Variants in USP25 observed in about 807,000 individuals in gnomAD.
The protein encoded by USP25 is ubiquitin carboxyl-terminal hydrolase 25.
In USP25, 85 loss-of-function variants were observed where a neutral mutation model predicts 158.5. That is an observed-to-expected ratio of 0.54 (90% confidence interval 0.45 to 0.64). The LOEUF (loss-of-function observed/expected upper bound fraction) is 0.64, where lower values mean the gene tolerates loss of function less well. Ranked by LOEUF, USP25 falls within the 30% of genes least tolerant of loss-of-function variation. The pLI is 0.00. For synonymous variants in USP25, 464 were observed against 460.4 expected (o/e 1.01, Z -0.10); for missense variants, 1,242 against 1,327.3 (o/e 0.94, Z 1.00).
chr21:15,787,580 C>G (rs540546709), intron 4 of USP25, among the ~76,000 whole-genome samples: 6 of 152,004 alleles, frequency 3.9e-5, no homozygotes, highest in Admixed American at 3.9e-4. Context: ...TTGAAACATT[C>G]GCTGTTTCAT....
chr21:15,749,570 T>G (rs1244723766), intron 1 of USP25, among the ~76,000 whole-genome samples: 3 of 152,236 alleles, frequency 2.0e-5, no homozygotes, highest in Non-Finnish European at 1.5e-5. Context: ...ATCATGACCG[T>G]TCATTTATGT....
chr21:15,837,803 C>G (rs2038128470), intron 17 of USP25, among the ~76,000 whole-genome samples: 2 of 152,130 alleles, frequency 1.3e-5, no homozygotes, highest in African/African-American at 2.4e-5. Context: ...GGCTCTGGAA[C>G]TTCTCTACAC....
intron 9 of USP25, among the ~76,000 whole-genome samples, chr21:15,813,930 C>T (rs1376811543): frequency 5.9e-5 from 9 of 151,550 alleles, no homozygotes; most frequent in African/African-American, 1.7e-4. Context: ...TGTCCCAAAC[C>T]GAATCTCAAC....
At chr21:15,851,936 T>C (rs2038907400) in intron 20 of USP25, among the ~76,000 whole-genome samples, 1 of 152,128 alleles carries the variant, frequency 6.6e-6, no homozygotes, top group South Asian at 2.1e-4. Context: ...TATTTTTCTT[T>C]ATTGGTTTGC....
At chr21:15,821,386 C>A (rs767094139) in intron 10 of USP25, among the ~76,000 whole-genome samples, 2 of 151,900 alleles carry the variant, frequency 1.3e-5, no homozygotes, top group African/African-American at 2.4e-5. Flanking sequence ...TGAAGAATGT[C>A]TTTGTATAAA....
At chr21:15,876,645 A>C (rs2040108169) in intron 24 of USP25, 1 of 152,642 alleles carries the variant, frequency 6.6e-6, no homozygotes, top group African/African-American at 2.4e-5. Flanking sequence ...CACTGGGGAA[A>C]CTGTCCCTAT....
Position 15,869,304 on chromosome 21 carries a change from TTTC to T in USP25, c.2806-761_2806-759del, listed in dbSNP as rs2039786929. On this transcript the variant is annotated intron_variant, in intron 22 of 25. Transcript: ENST00000400183. ...AGAATATCGTTGGCTAATAACTATGTTTCTTATTTTTGTTTATAATGTTTATAT... is the reference window on the plus strand; with the variant it reads ...AGAATATCGTTGGCTAATAACTATGTTTATTTTTGTTTATAATGTTTATAT... 2.0e-5 allele frequency among the ~76,000 whole-genome samples: 3 copies of T among 152,076 alleles called. No individual in the cohort carries two copies. The East Asian group carries it at 5.8e-4, about 29-fold the overall frequency.
chr21:15,838,772 CTTA>C (rs1303427415), intron 17 of USP25, among the ~76,000 whole-genome samples: 1 of 152,108 alleles, frequency 6.6e-6, no homozygotes, highest in African/African-American at 2.4e-5. Flanking sequence ...AGATGTTGGT[CTTA>C]TTTTTATAGT....
intron 8 of USP25, among the ~76,000 whole-genome samples, chr21:15,810,927 C>T (rs2036626738): frequency 6.6e-6 from 1 of 152,164 alleles, no homozygotes; most frequent in Admixed American, 6.5e-5. Flanking sequence ...CCTGTGGGTG[C>T]AGCTATCATA....
intron 3 of USP25, among the ~76,000 whole-genome samples, chr21:15,771,828 C>T (rs1195434557): frequency 6.6e-6 from 1 of 152,136 alleles, no homozygotes; most frequent in Non-Finnish European, 1.5e-5. Flanking sequence ...TCAAACTCTT[C>T]ACTACCCAGT....
intron 1 of USP25, 41 bp from the exon 2 acceptor site, chr21:15,762,850 G>C: frequency 6.5e-7 from 1 of 1,532,088 alleles, no homozygotes; most frequent in African/African-American, 1.4e-5. Context: ...TATATTTTCA[G>C]AGTTGAGAAT....
At chr21:15,784,004 GT>G (rs1555834083) in intron 4 of USP25, among the ~76,000 whole-genome samples, 1 of 151,882 alleles carries the variant, frequency 6.6e-6, no homozygotes, top group Non-Finnish European at 1.5e-5. Context: ...AAATAGAGAC[GT>G]TTCCAGACAA....
chr21:15,766,168 T>G lies in USP25; in HGVS notation c.268+27T>G. ...TAAGTTTTCTTTCTTTTCTTATTATTTTAATAGAAACATACTGAAAAACTT... is the reference window on the plus strand; with the variant it reads ...TAAGTTTTCTTTCTTTTCTTATTATGTTAATAGAAACATACTGAAAAACTT... On this transcript the variant is annotated intron_variant, in intron 3 of 25. Coordinates refer to ENST00000400183, the MANE Select transcript of USP25 (RefSeq NM_001283041.3). This position sits in a 1 kb window ranked among gnomAD's most constrained non-coding sequence, Gnocchi z 4.0. The G allele has an allele frequency of 1.3e-6, 2 of 1,571,874 alleles. No individual in the cohort carries two copies. Among genetic ancestry groups the G allele is most frequent in the Non-Finnish European group, 1.7e-6 (2 of 1,167,010 alleles).
chr21:15,864,392 T>C lies in USP25; in HGVS notation c.2672T>C (p.Ile891Thr). Reference protein sequence around the residue: ...FIQNQAPKKIIEKTLLEQFGD... With the variant: ...FIQNQAPKKITEKTLLEQFGD... ...CAGAACCAGGCACCAAAGAAAATTA[T>C]TGAGAAAACATTACTAGAACAATTT... The change falls in exon 21 of 26, where the codon ATT becomes ACT. Residue 891 changes from isoleucine (I) to threonine (T), a missense_variant. Physicochemically the swap from Ile to Thr is moderately conservative, Grantham distance 89. This residue lies in a region of USP25 where 608 missense variants were observed against 605.2 expected (regional missense o/e 1.00). Transcript: ENST00000400183. 1 of 1,612,456 alleles carries C rather than the reference T, an allele frequency of 6.2e-7. No individual in the cohort carries two copies. Among genetic ancestry groups the C allele is most frequent in the Non-Finnish European group, 8.5e-7 (1 of 1,179,550 alleles).
In USP25 at chr21:15,864,360, C is replaced by T. The variant is rs147015553; in HGVS notation, c.2640C>T (p.Tyr880=). 1.4e-5 allele frequency: 22 copies of T among 1,613,278 alleles called. No homozygotes were observed. In the African/African-American group the frequency reaches 2.8e-4, roughly 21 times the overall value. Residue 880 remains tyrosine, a synonymous_variant, in exon 21 of 26, where the codon TAC becomes TAT. Coordinates refer to ENST00000400183, the MANE Select transcript of USP25 (RefSeq NM_001283041.3). The part of the protein sequence containing the change: ...TDYRLHHVVV[Y]FIQNQAPKKI... ...ATCGTTTACATCATGTAGTGGTCTA[C>T]TTTATCCAGAACCAGGCACCAAAGA...
In USP25 at chr21:15,831,420, C is replaced by A; in HGVS notation, c.1784C>A (p.Ala595Asp). 6.2e-7 allele frequency: 1 copy of A among 1,613,888 alleles called. No homozygotes were observed. Among genetic ancestry groups the A allele is most frequent in the Non-Finnish European group, 8.5e-7 (1 of 1,179,916 alleles). ...ATTTAGGTTCCTTATCGATTACATG[C>A]CGTTTTAGTTCACGAAGGCCAAGCT... ...SMIQVPYRLH[A>D]VLVHEGQANA... The change falls in exon 16 of 26, where the codon GCC becomes GAC. Residue 595 changes from alanine (A) to aspartate (D), a missense_variant. Ala to Asp is a moderately radical substitution (Grantham distance 126). Coordinates refer to ENST00000400183, the MANE Select transcript of USP25 (RefSeq NM_001283041.3).
At chr21:15,799,523 A>G in intron 5 of USP25, 1 of 322,986 alleles carries the variant, frequency 3.1e-6, no homozygotes, top group Non-Finnish European at 5.8e-6. Flanking sequence ...AATGAGTAGT[A>G]TATTTAAAAA....
chr21:15,784,311 G>A (rs934226883), intron 4 of USP25, among the ~76,000 whole-genome samples: 1 of 152,282 alleles, frequency 6.6e-6, no homozygotes, highest in African/African-American at 2.4e-5. Flanking sequence ...GGTGGCTCAC[G>A]CCTGTAATGC....
intron 4 of USP25, among the ~76,000 whole-genome samples, chr21:15,786,724 C>T (rs1568803478): frequency 6.6e-6 from 1 of 152,022 alleles, no homozygotes; most frequent in African/African-American, 2.4e-5. Context: ...AACAAAGATG[C>T]CCACTTCCAC....
Sources: gnomAD v4.1 joint callset for allele counts (sites outside exome capture counted in the v4.1 genomes callset) on GRCh38, gnomAD v4.1.1 for gene constraint, gnomAD v4.1.1 regional missense constraint, Gnocchi (gnomAD v3.1) non-coding constraint, MANE v1.5 for transcripts, NCBI Gene and HGNC (gene_info 2026-07-23, HGNC 2026-07-21) for gene names.